The following OTUD3 variants were observed in gnomAD, a reference collection of about 807,000 sequenced individuals.
The protein encoded by OTUD3 is OTU domain-containing protein 3.
Under a neutral mutation model 46.2 loss-of-function variants are expected in OTUD3, and 24 were observed. The ratio of observed to expected loss-of-function variants is 0.52; its 90% CI spans 0.38 to 0.73. OTUD3 has a LOEUF of 0.73. Ranked by LOEUF, OTUD3 falls within the 30% of genes least tolerant of loss-of-function variation. The probability of loss-of-function intolerance (pLI) is 0.00; values close to 1 mark genes in which losing one functional copy is unlikely to be tolerated. For missense variants in OTUD3, 455 were observed against 523.3 expected (o/e 0.87, Z 1.27); for synonymous variants, 189 against 195.4 (o/e 0.97, Z 0.27).
intron 2 of OTUD3, among the ~76,000 whole-genome samples, chr1:19,891,432 C>T (rs1335901341): frequency 6.6e-6 from 1 of 152,114 alleles, no homozygotes; most frequent in African/African-American, 2.4e-5. Context: ...GTCTGGAGGC[C>T]ATGCCAAGAA....
intron 1 of OTUD3, among the ~76,000 whole-genome samples, chr1:19,885,218 C>G (rs113683067): frequency 9.2e-5 from 14 of 152,298 alleles, no homozygotes; most frequent in Admixed American, 2.6e-4. Flanking sequence ...GCTCATGTCT[C>G]TCTTCCAAGG....
intron 2 of OTUD3, among the ~76,000 whole-genome samples, chr1:19,891,379 T>C (rs1363934385): frequency 6.6e-6 from 1 of 152,230 alleles, no homozygotes; most frequent in Admixed American, 6.5e-5. Context: ...CTTTTCTGTC[T>C]GTTATCAGGA....
At chr1:19,892,344 A>C (rs960558891) in intron 2 of OTUD3, among the ~76,000 whole-genome samples, 2 of 152,114 alleles carry the variant, frequency 1.3e-5, no homozygotes, top group Non-Finnish European at 2.9e-5. Flanking sequence ...ACCTGTTTTT[A>C]ATGTCAGTGT....
intron 4 of OTUD3, 26 bp downstream of exon 4, chr1:19,897,688 G>T (rs200207832): frequency 1.2e-6 from 2 of 1,607,308 alleles, no homozygotes; most frequent in Non-Finnish European, 1.7e-6. Context: ...GATTTCTCCC[G>T]TATTCCCCGC....
intron 7 of OTUD3, 199 bp downstream of exon 7, chr1:19,906,815 A>C (rs2045668112): frequency 1.2e-5 from 6 of 496,228 alleles, no homozygotes; most frequent in Non-Finnish European, 2.1e-5. Context: ...GACAGTTGGA[A>C]GGAAATACAC....
intron 4 of OTUD3, among the ~76,000 whole-genome samples, chr1:19,900,896 C>T (rs1368639261): frequency 1.4e-5 from 2 of 146,792 alleles, no homozygotes; most frequent in Non-Finnish European, 3.0e-5. Context: ...AAAGGAAATC[C>T]TATTGAGGTT....
chr1:19,889,946 A>C (rs185409008), intron 1 of OTUD3, among the ~76,000 whole-genome samples: 1 of 152,364 alleles, frequency 6.6e-6, no homozygotes, highest in Non-Finnish European at 1.5e-5. Context: ...ATGATTACTT[A>C]GCTGGGTAGC....
At chr1:19,892,279 T>G (rs1052184251) in intron 2 of OTUD3, among the ~76,000 whole-genome samples, 9 of 152,182 alleles carry the variant, frequency 5.9e-5, no homozygotes, top group African/African-American at 1.9e-4. Flanking sequence ...CACATTCTCT[T>G]TGTGTGTCAG....
chr1:19,902,222 C>A (rs867309846), intron 4 of OTUD3, among the ~76,000 whole-genome samples: 1 of 151,788 alleles, frequency 6.6e-6, no homozygotes, highest in African/African-American at 2.4e-5. Context: ...AGTTTTTTTT[C>A]GAGACGGAGT....
intron 7 of OTUD3, chr1:19,906,932 G>A (rs927616233): frequency 4.9e-6 from 1 of 203,444 alleles, no homozygotes; most frequent in Non-Finnish European, 1.0e-5. Context: ...TAAATGCCAT[G>A]ATCTGCAATG....
intron 3 of OTUD3, among the ~76,000 whole-genome samples, chr1:19,896,534 T>C (rs1265522057): frequency 6.6e-6 from 1 of 152,224 alleles, no homozygotes; most frequent in African/African-American, 2.4e-5. Flanking sequence ...ATCTGCGTAT[T>C]CTACTGGAAA....
chr1:19,906,450 A>C lies in OTUD3; in HGVS notation c.854A>C (p.Glu285Ala). 1.2e-6 allele frequency: 2 copies of C among 1,613,918 alleles called. No homozygotes were observed. The highest frequency in any genetic ancestry group is 1.7e-6 in the Non-Finnish European group (2 of 1,179,854). The change falls in exon 7 of 8, where the codon GAG (glutamate) becomes GCG (alanine). Residue 285 changes from glutamate (E) to alanine (A), a missense_variant. By Grantham distance (107) the Glu-to-Ala change is moderately radical. Coordinates refer to ENST00000375120, the MANE Select transcript of OTUD3 (RefSeq NM_015207.2). ...GKRNNAEENLEPSGRVLKQCG... is the reference protein window; with the variant it reads ...GKRNNAEENLAPSGRVLKQCG... ...TTGGAAGATGCAGAAGAGAATCTTGAGCCCAGTGGTCGAGTGCTGAAGCAG... is the reference window on the plus strand; with the variant it reads ...TTGGAAGATGCAGAAGAGAATCTTGCGCCCAGTGGTCGAGTGCTGAAGCAG...
At chr1:19,897,510 C>T (rs377081917) in intron 3 of OTUD3, 30 bp from the exon 4 acceptor site, 288 of 1,612,016 alleles carry the variant, frequency 1.8e-4, no homozygotes, top group Non-Finnish European at 2.4e-4. Context: ...TTCAGATCCT[C>T]ACTGGCATGG....
chr1:19,897,892 G>T, intron 4 of OTUD3: 1 of 331,156 alleles, frequency 3.0e-6, no homozygotes. Flanking sequence ...AATTGTATGT[G>T]TATAAGATAC....
Position 19,908,636 on chromosome 1 carries a change from TA to T in OTUD3, c.*891del, listed in dbSNP as rs1363520376. On this transcript the variant is annotated 3_prime_UTR_variant, in exon 8 of 8. Coordinates refer to ENST00000375120, the MANE Select transcript of OTUD3 (RefSeq NM_015207.2). ...AGAGGAGTCTAAAGAATTATGTTTT[TA>T]TAGGAGAAGCCTGGAAGAATAAGGT... 6.6e-6 allele frequency: 1 copy of T among 152,370 alleles called. No homozygotes were observed. The highest frequency in any genetic ancestry group is 2.4e-5 in the African/African-American group (1 of 41,462). 9.4% of individuals were successfully genotyped at this position (152,370 alleles called of 1,614,324 possible).
chr1:19,905,072 G>A, intron 6 of OTUD3, 85 bp downstream of exon 6: 5 of 769,298 alleles, frequency 6.5e-6, no homozygotes, highest in Non-Finnish European at 8.8e-6. Context: ...CAAGTCACAG[G>A]TGGTAACTGT....
At chr1:19,891,746 C>T (rs568808655) in intron 2 of OTUD3, among the ~76,000 whole-genome samples, 1 of 152,230 alleles carries the variant, frequency 6.6e-6, no homozygotes, top group African/African-American at 2.4e-5. Flanking sequence ...AAGTGTTTCC[C>T]ATTCCTTACT....
At position 19,882,461 on chromosome 1, in the gene OTUD3, C is replaced by T. The variant is rs1204832653; in HGVS notation, c.-53C>T. ...ACCTTCCCAACGCTTGAGGCGGACG[C>T]TGGGGGGTCCTGCGCCTTTCCCTCC... On this transcript the variant is annotated 5_prime_UTR_variant, in exon 1 of 8. Coordinates refer to ENST00000375120, the MANE Select transcript of OTUD3 (RefSeq NM_015207.2). 12 of 1,327,990 alleles carry T rather than the reference C, an allele frequency of 9.0e-6. No homozygotes were observed. The highest frequency in any genetic ancestry group is 3.9e-5 in the Admixed American group (1 of 25,716). The allele number at this position is 1,327,990 out of a possible 1,614,324, so 82.3% of individuals were successfully genotyped here.
At chr1:19,893,193 G>A (rs1005693708) in intron 2 of OTUD3, among the ~76,000 whole-genome samples, 1 of 152,110 alleles carries the variant, frequency 6.6e-6, no homozygotes. Flanking sequence ...CAAACTGCAG[G>A]GTTCGAGAAC....
Sources: gnomAD v4.1 joint callset for allele counts (sites outside exome capture counted in the v4.1 genomes callset) on GRCh38, gnomAD v4.1.1 for gene constraint, MANE v1.5 for transcripts, NCBI Gene and HGNC (gene_info 2026-07-23, HGNC 2026-07-21) for gene names.